The following LCORL variants were observed in gnomAD, a reference collection of about 807,000 sequenced individuals.
LCORL encodes the protein ligand-dependent nuclear receptor corepressor-like protein.
LCORL carries 41 observed loss-of-function variants against 141.8 expected under a neutral mutation model. The observed-to-expected ratio is 0.29, with a 90% CI of 0.23 to 0.38. The LOEUF (loss-of-function observed/expected upper bound fraction) is 0.38. Ranked by LOEUF, LCORL falls within the 10% of genes least tolerant of loss-of-function variation. The probability of loss-of-function intolerance (pLI) is 1.00; values close to 1 mark genes in which losing one functional copy is unlikely to be tolerated. For missense variants in LCORL, 1,759 were observed against 2,035.0 expected, an observed-to-expected ratio of 0.86 and a Z score of 2.61; for synonymous variants, 618 against 694.1, an observed-to-expected ratio of 0.89 and a Z score of 1.72.
In LCORL at chr4:17,950,328, T is replaced by C. The variant is rs139311268; in HGVS notation, c.430+11575A>G. ...TCTGATAATAGAACATGCTTATGTA[T>C]ATCTCTTTCTGGTTAACATTATTTC... On this transcript the variant is annotated intron_variant, in intron 4 of 7. Coordinates refer to ENST00000635767, the Ensembl canonical transcript of LCORL. Among the ~76,000 whole-genome samples the C allele has an allele frequency of 4.7e-3, 714 of 152,264 alleles. 1 individual carries two copies. Among genetic ancestry groups the C allele is most frequent in the Non-Finnish European group, 6.9e-3 (469 of 67,990 alleles).
At chr4:17,959,189 A>T (rs1247771195) in intron 4 of LCORL, among the ~76,000 whole-genome samples, 3 of 152,080 alleles carry the variant, frequency 2.0e-5, no homozygotes, top group Non-Finnish European at 4.4e-5. Context: ...TTCAGAGGCC[A>T]CATGAAGAAA....
At chr4:18,010,024 T>C (rs1723448835) in intron 1 of LCORL, among the ~76,000 whole-genome samples, 2 of 152,144 alleles carry the variant, frequency 1.3e-5, no homozygotes, top group South Asian at 4.1e-4. Context: ...AACAATTAAT[T>C]ATATTTTAAA....
intron 4 of LCORL, among the ~76,000 whole-genome samples, chr4:17,947,955 T>A (rs778420300): frequency 6.6e-6 from 1 of 151,954 alleles, no homozygotes; most frequent in Non-Finnish European, 1.5e-5. Flanking sequence ...ATATGAAACA[T>A]TTCTTCCTTG....
exon 7 of LCORL, chr4:17,876,990 TCTC>T: frequency 4.1e-6 from 5 of 1,230,688 alleles, no homozygotes; most frequent in Non-Finnish European, 5.1e-6. Flanking sequence ...ATGATAGAAT[TCTC>T]CTTTGTCTGA....
chr4:17,877,148 C>T (rs549381570), exon 7 of LCORL: 2 of 1,230,792 alleles, frequency 1.6e-6, no homozygotes, highest in Admixed American at 4.2e-5. Flanking sequence ...AGGAGTTGCG[C>T]ATTGCAAATA....
chr4:17,932,284 G>T (rs564253699), intron 4 of LCORL, among the ~76,000 whole-genome samples: 7 of 152,220 alleles, frequency 4.6e-5, no homozygotes, highest in Admixed American at 2.6e-4. Context: ...ATATATTAGT[G>T]TCAGCTTACA....
At chr4:17,916,997 G>A (rs987817045) in intron 4 of LCORL, among the ~76,000 whole-genome samples, 1 of 148,510 alleles carries the variant, frequency 6.7e-6, no homozygotes, top group Non-Finnish European at 1.5e-5. Context: ...TTCTTTTCTC[G>A]AGACAGTCTC....
chr4:17,943,780 G>A (rs1738371691), intron 4 of LCORL, among the ~76,000 whole-genome samples: 1 of 152,074 alleles, frequency 6.6e-6, no homozygotes, highest in African/African-American at 2.4e-5. Flanking sequence ...AGGACCTTTG[G>A]TTTTTAAAAC....
In LCORL at chr4:18,021,419, C is replaced by T. The variant is rs977063871; in HGVS notation, c.154+179G>A. Among the ~76,000 whole-genome samples, 33 of 152,132 alleles carry T rather than the reference C, an allele frequency of 2.2e-4. No individual in the cohort carries two copies. Among genetic ancestry groups the T allele is most frequent in the Non-Finnish European group, 4.4e-4 (30 of 67,992 alleles). ...CGAAGGAGCGCGGACCGCGCCGGGC[C>T]AGCAGCCCGCAAGACAAAAGGCGAG... is the stretch of plus-strand genomic sequence containing the variant. On this transcript the variant is annotated intron_variant, in intron 1 of 7. Coordinates refer to ENST00000635767, the Ensembl canonical transcript of LCORL. The surrounding 1 kb of genome is among the most constrained non-coding windows in gnomAD (Gnocchi z 5.5).
At position 18,021,683 on chromosome 4, in the gene LCORL, C is replaced by A; in HGVS notation, c.69G>T (p.Gln23His). The A allele has an allele frequency of 6.5e-7, 1 of 1,537,900 alleles. No homozygotes were observed. The highest frequency in any genetic ancestry group is 8.8e-7 in the Non-Finnish European group (1 of 1,141,118). ...CCGCCGCGCACCGAGGGCTCCGGCA[C>A]TGAGCGGCGGCGGCGGCGGCGGCAG... The change falls in exon 1 of 8, where the codon CAG becomes CAT. Residue 23 changes from glutamine (Q) to histidine (H), a missense_variant. By Grantham distance (24) the Gln-to-His change is conservative. Coordinates refer to ENST00000635767, the Ensembl canonical transcript of LCORL. The surrounding 1 kb of genome is among the most constrained non-coding windows in gnomAD (Gnocchi z 5.5).
chr4:18,004,465 C>T (rs944763224), intron 1 of LCORL, among the ~76,000 whole-genome samples: 6 of 152,034 alleles, frequency 3.9e-5, no homozygotes, highest in African/African-American at 1.2e-4. Flanking sequence ...TTTTTAAAAC[C>T]GTCCGATCTC....
chr4:17,876,613 TA>T lies in LCORL; in HGVS notation c.2376del (p.Phe792LeufsTer20). ...ACTTTTTTGGCTTTAGGGGATTTTT[TA>T]AAAACATAATTATTTGTTACATATA... On this transcript the variant is annotated frameshift_variant, in exon 7 of 8. Coordinates refer to ENST00000635767, the Ensembl canonical transcript of LCORL. LOFTEE classifies it high-confidence loss of function. The T allele has an allele frequency of 8.1e-7, 1 of 1,230,724 alleles. No homozygotes were observed. Among genetic ancestry groups the T allele is most frequent in the Non-Finnish European group, 1.0e-6 (1 of 986,988 alleles). 76.2% of individuals were successfully genotyped at this position (1,230,724 alleles called of 1,614,324 possible).
At chr4:17,976,396 C>T (rs1484866454) in intron 1 of LCORL, among the ~76,000 whole-genome samples, 2 of 152,076 alleles carry the variant, frequency 1.3e-5, no homozygotes, top group African/African-American at 4.8e-5. Flanking sequence ...CATTTTGTTG[C>T]CACCATAAAC....
intron 1 of LCORL, among the ~76,000 whole-genome samples, chr4:17,973,921 T>C (rs780430490): frequency 3.9e-5 from 6 of 152,050 alleles, no homozygotes; most frequent in Non-Finnish European, 8.8e-5. Flanking sequence ...ATGTCTTAGA[T>C]TTCACAAAGT....
chr4:17,910,095 C>A (rs903842613), intron 4 of LCORL, among the ~76,000 whole-genome samples: 1 of 152,014 alleles, frequency 6.6e-6, no homozygotes, highest in African/African-American at 2.4e-5. Flanking sequence ...GAGTTTTAAC[C>A]AAAACATTTT....
chr4:17,973,677 G>A (rs1366130964), intron 1 of LCORL, among the ~76,000 whole-genome samples: 1 of 151,472 alleles, frequency 6.6e-6, no homozygotes, highest in Admixed American at 6.6e-5. Flanking sequence ...AACTAAACAT[G>A]GCATGACAGA....
intron 7 of LCORL, among the ~76,000 whole-genome samples, chr4:17,859,926 T>C (rs1028223334): frequency 1.2e-4 from 19 of 152,032 alleles, no homozygotes; most frequent in African/African-American, 4.6e-4. Flanking sequence ...ACCGGAGAGG[T>C]GAAAGTTCTC....
chr4:17,923,211 T>C (rs1252234891), intron 4 of LCORL, among the ~76,000 whole-genome samples: 2 of 152,158 alleles, frequency 1.3e-5, no homozygotes, highest in Non-Finnish European at 2.9e-5. Context: ...GAGATAATGG[T>C]GGAAGAAACA....
chr4:17,875,358 C>T, exon 7 of LCORL: 1 of 1,231,352 alleles, frequency 8.1e-7, no homozygotes, highest in South Asian at 4.1e-5. Context: ...AAAGCCAGAC[C>T]CCAAGATCTC....
Sources: gnomAD v4.1 joint callset for allele counts (sites outside exome capture counted in the v4.1 genomes callset) on GRCh38, gnomAD v4.1.1 for gene constraint, Gnocchi (gnomAD v3.1) non-coding constraint, MANE v1.5 for transcripts, NCBI Gene and HGNC (gene_info 2026-07-23, HGNC 2026-07-21) for gene names.